KLHL6: variants seen among roughly 807,000 people sequenced by gnomAD.
The protein encoded by KLHL6 is kelch like family member 6.
KLHL6 carries 41 observed loss-of-function variants against 58.6 expected under a neutral mutation model. The ratio of observed to expected loss-of-function variants is 0.70; its 90% confidence interval spans 0.55 to 0.91. KLHL6 has a LOEUF of 0.91. KLHL6 is among the 40% of genes least tolerant of loss of function. KLHL6 has a pLI of 0.00. For synonymous variants in KLHL6, 338 were observed against 322.7 expected, an observed-to-expected ratio of 1.05 and a Z score of -0.51; for missense variants, 714 against 805.6, an observed-to-expected ratio of 0.89 and a Z score of 1.38.
At chr3:183,502,552 C>T (rs1298404127) in intron 3 of KLHL6, among the ~76,000 whole-genome samples, 3 of 152,164 alleles carry the variant, frequency 2.0e-5, no homozygotes, top group African/African-American at 7.2e-5. Context: ...ATCCTGATTG[C>T]TCTCTCAGTC....
chr3:183,541,399 C>T (rs1712547357), intron 1 of KLHL6, among the ~76,000 whole-genome samples: 1 of 152,196 alleles, frequency 6.6e-6, no homozygotes, highest in Non-Finnish European at 1.5e-5. Flanking sequence ...CACAGTTGGG[C>T]TACACGCAGG....
chr3:183,536,477 C>T (rs555108988), intron 1 of KLHL6, among the ~76,000 whole-genome samples: 1 of 152,338 alleles, frequency 6.6e-6, no homozygotes, highest in East Asian at 1.9e-4. Flanking sequence ...AAAGAGCAGC[C>T]ACCTGGCTGT....
intron 1 of KLHL6, among the ~76,000 whole-genome samples, chr3:183,543,812 A>G (rs191860423): frequency 7.5e-4 from 114 of 152,302 alleles, no homozygotes; most frequent in African/African-American, 2.6e-3. Context: ...ATCCCAGAGC[A>G]TCTCTTCAGA....
Position 183,490,211 on chromosome 3 carries a change from C to T in KLHL6, c.*1716G>A, listed in dbSNP as rs1264663800. ...CTGATCAAAAAACCAAGTAGAAGTG[C>T]TTTTTAAAAGTCTTGAAAACGAAGG... is the stretch of plus-strand genomic sequence containing the variant. On this transcript the variant is annotated 3_prime_UTR_variant, in exon 7 of 7. Transcript: ENST00000341319. 2 of 152,078 alleles carry T rather than the reference C, an allele frequency of 1.3e-5. No individual in the cohort carries two copies. Among genetic ancestry groups the T allele is most frequent in the African/African-American group, 2.4e-5 (1 of 41,404 alleles). The allele number at this position is 152,078 out of a possible 1,614,324, so 9.4% of individuals were successfully genotyped here.
At chr3:183,536,217 G>T (rs1038009414) in intron 1 of KLHL6, among the ~76,000 whole-genome samples, 4 of 152,204 alleles carry the variant, frequency 2.6e-5, no homozygotes, top group Admixed American at 2.6e-4. Flanking sequence ...AGGGGGGGAG[G>T]AAGCCCAGCA....
rs960264706 is a variant in KLHL6, at chr3:183,490,473, A to G, written c.*1454T>C. On this transcript the variant is annotated 3_prime_UTR_variant, in exon 7 of 7. Transcript: ENST00000341319. Reference sequence around the variant, plus strand: ...GCTAAAGGTACAATTCTGTCTGGCAATGACAGTTCCGGTCCAAAATGGGCC... The same window carrying G: ...GCTAAAGGTACAATTCTGTCTGGCAGTGACAGTTCCGGTCCAAAATGGGCC... 1.3e-5 allele frequency: 2 copies of G among 151,982 alleles called. No homozygotes were observed. Among genetic ancestry groups the G allele is most frequent in the Non-Finnish European group, 1.5e-5 (1 of 67,992 alleles). The allele number at this position is 151,982 out of a possible 1,614,324, so 9.4% of individuals were successfully genotyped here.
intron 2 of KLHL6, among the ~76,000 whole-genome samples, chr3:183,515,398 A>C (rs1711530736): frequency 6.6e-6 from 1 of 152,168 alleles, no homozygotes; most frequent in Non-Finnish European, 1.5e-5. Context: ...AAATGTAAAA[A>C]TTAGCCTGTT....
At position 183,492,643 on chromosome 3, in the gene KLHL6, A is replaced by G. The variant is rs1717601504; in HGVS notation, c.1415T>C (p.Val472Ala). ...TTTCCCATTGGGCCCTCCCCCGATC[A>G]CATACAGCTTCTTCTTATGGCTGGT... ...AATSHKKKLY[V>A]IGGGPNGKLA... Residue 472 changes from valine to alanine, a missense_variant, in exon 6 of 7, where the codon GTG (valine) becomes GCG (alanine). Coordinates refer to ENST00000341319, the MANE Select transcript of KLHL6 (RefSeq NM_130446.4). This position sits in a 1 kb window ranked among gnomAD's most constrained non-coding sequence, Gnocchi z 5.9. 1 of 1,614,050 alleles carries G rather than the reference A, an allele frequency of 6.2e-7. No individual in the cohort carries two copies. The highest frequency in any genetic ancestry group is 1.3e-5 in the African/African-American group (1 of 74,936).
chr3:183,508,915 T>C (rs983796620), intron 2 of KLHL6, among the ~76,000 whole-genome samples: 2 of 152,268 alleles, frequency 1.3e-5, no homozygotes, highest in South Asian at 4.1e-4. Context: ...TCATAATGTA[T>C]TGAGTTTTAA....
rs142200744 is a variant in KLHL6 at position 183,518,895 on chromosome 3, T to C, written c.459+8950A>G. 2.1e-4 allele frequency among the ~76,000 whole-genome samples: 32 copies of C among 152,194 alleles called. No homozygotes were observed. The East Asian group carries it at 4.8e-3, about 23-fold the overall frequency. On this transcript the variant is annotated intron_variant, in intron 2 of 6. Transcript: ENST00000341319. ...GCAAGGAAGAGGGACAAGAGAGAGA[T>C]TGTCTAACAACAGAGTGAGAAGCAG...
chr3:183,492,588 G>A lies in KLHL6; in HGVS notation c.1470C>T (p.Asp490=). 1 of 1,614,216 alleles carries A rather than the reference G, an allele frequency of 6.2e-7. No homozygotes were observed. Among genetic ancestry groups the A allele is most frequent in the Non-Finnish European group, 8.5e-7 (1 of 1,180,032 alleles). The change falls in exon 6 of 7, where the codon GAC becomes GAT. Residue 490 remains aspartate, a synonymous_variant. Transcript: ENST00000341319. The surrounding 1 kb of genome is among the most constrained non-coding windows in gnomAD (Gnocchi z 5.9). ...KLATDKTQCY[D]PSTNKWSLKA... ...TCAAACTCCACTTGTTGGTGGAAGG[G>A]TCATAACACTGAGTCTTGTCTGTGG...
chr3:183,493,159 C>G, intron 5 of KLHL6: 1 of 193,438 alleles, frequency 5.2e-6, no homozygotes, highest in South Asian at 1.0e-4. Flanking sequence ...CACAGGTAAG[C>G]AGACTCTTCC....
chr3:183,548,983 C>T (rs924991992), intron 1 of KLHL6: 2 of 151,564 alleles, frequency 1.3e-5, no homozygotes, highest in Non-Finnish European at 2.9e-5. Context: ...CAACACAACC[C>T]GTGGCCTGTC....
intron 2 of KLHL6, among the ~76,000 whole-genome samples, chr3:183,509,220 A>G (rs1157997295): frequency 6.6e-6 from 1 of 152,236 alleles, no homozygotes; most frequent in Admixed American, 6.5e-5. Flanking sequence ...TATTTTTTAA[A>G]GTTGGAGAAA....
intron 2 of KLHL6, 118 bp downstream of exon 2, chr3:183,527,699 CGTGTGTGTGTGTGTGTTTGTGTGCGTGT>C: frequency 3.2e-6 from 2 of 633,664 alleles, no homozygotes; most frequent in African/African-American, 1.9e-5. Context: ...TAGGGGTGTG[CGTGTGTGTGTGTGTGTTTGTGTGCGTGT>C]GTGTGTGTGT....
intron 1 of KLHL6, among the ~76,000 whole-genome samples, chr3:183,530,190 G>GA (rs1444190370): frequency 1.3e-5 from 2 of 152,126 alleles, no homozygotes; most frequent in Non-Finnish European, 2.9e-5. Flanking sequence ...CACAAATACT[G>GA]AAAAAATGTG....
intron 3 of KLHL6, among the ~76,000 whole-genome samples, chr3:183,500,271 C>T (rs1717835364): frequency 6.6e-6 from 1 of 152,178 alleles, no homozygotes; most frequent in African/African-American, 2.4e-5. Flanking sequence ...CACCATCAGC[C>T]TTCTGGAAGA....
chr3:183,547,632 G>A (rs1040334402), intron 1 of KLHL6, among the ~76,000 whole-genome samples: 1 of 152,142 alleles, frequency 6.6e-6, no homozygotes, highest in Admixed American at 6.5e-5. Context: ...GTTGCTTCCA[G>A]TATTTTGTTT....
chr3:183,535,257 T>C (rs1197808829), intron 1 of KLHL6, among the ~76,000 whole-genome samples: 1 of 152,188 alleles, frequency 6.6e-6, no homozygotes, highest in Admixed American at 6.5e-5. Flanking sequence ...GCGTATTTTA[T>C]ACTTAAAGCA....
Sources: gnomAD v4.1 joint callset for allele counts (sites outside exome capture counted in the v4.1 genomes callset) on GRCh38, gnomAD v4.1.1 for gene constraint, Gnocchi (gnomAD v3.1) non-coding constraint, MANE v1.5 for transcripts, NCBI Gene and HGNC (gene_info 2026-07-23, HGNC 2026-07-21) for gene names.